SDK1: variants seen among roughly 807,000 people sequenced by gnomAD.
SDK1 encodes sidekick cell adhesion molecule 1, also known as protein sidekick-1.
In SDK1, 157 loss-of-function variants were observed where a neutral mutation model predicts 245.5. That is an observed-to-expected ratio of 0.64 (90% CI 0.56 to 0.73). The LOEUF (loss-of-function observed/expected upper bound fraction) is 0.73. SDK1 is among the 30% of genes least tolerant of loss of function. The pLI, the probability that SDK1 is intolerant of heterozygous loss-of-function variation, is 0.00. For missense variants in SDK1, 3,583 were observed against 3,002.3 expected, an observed-to-expected ratio of 1.19 and a Z score of -4.52; for synonymous variants, 1,647 against 1,278.5, an observed-to-expected ratio of 1.29 and a Z score of -6.15.
intron 1 of SDK1, among the ~76,000 whole-genome samples, chr7:3,462,411 G>C (rs1299814566): frequency 2.0e-5 from 3 of 152,088 alleles, no homozygotes; most frequent in African/African-American, 7.2e-5. Flanking sequence ...CCCAAAGCTA[G>C]ACCTAGTTCT....
intron 1 of SDK1, among the ~76,000 whole-genome samples, chr7:3,518,937 T>C (rs1199939326): frequency 6.6e-6 from 1 of 151,332 alleles, no homozygotes; most frequent in Non-Finnish European, 1.5e-5. Context: ...GTGCTATATA[T>C]ATGCAATGGA....
chr7:3,440,109 G>T (rs974814000), intron 1 of SDK1, among the ~76,000 whole-genome samples: 1 of 152,028 alleles, frequency 6.6e-6, no homozygotes, highest in Non-Finnish European at 1.5e-5. Flanking sequence ...ATGGAAATCC[G>T]GAAGTAAATA....
chr7:3,592,343 T>A (rs975160003), intron 1 of SDK1, among the ~76,000 whole-genome samples: 20 of 152,188 alleles, frequency 1.3e-4, no homozygotes, highest in African/African-American at 4.8e-4. Context: ...TGTTCCAGAA[T>A]AACAGAATCC....
intron 10 of SDK1, among the ~76,000 whole-genome samples, chr7:3,968,211 G>A (rs192450020): frequency 4.6e-5 from 7 of 152,310 alleles, no homozygotes; most frequent in Non-Finnish European, 7.3e-5. Flanking sequence ...CGTGCCTTCT[G>A]CAGTCAACCT....
At chr7:3,380,797 G>A (rs908083957) in intron 1 of SDK1, among the ~76,000 whole-genome samples, 1 of 152,158 alleles carries the variant, frequency 6.6e-6, no homozygotes, top group Admixed American at 6.5e-5. Flanking sequence ...GGAAGGGCCT[G>A]CTAGTTGGCT....
chr7:3,463,245 G>A (rs556564624), intron 1 of SDK1, among the ~76,000 whole-genome samples: 2 of 152,258 alleles, frequency 1.3e-5, no homozygotes, highest in East Asian at 3.9e-4. Context: ...TAATATCTCA[G>A]TAACCATGAT....
intron 2 of SDK1, among the ~76,000 whole-genome samples, chr7:3,622,635 G>C (rs1348917000): frequency 1.3e-5 from 2 of 152,182 alleles, no homozygotes; most frequent in African/African-American, 4.8e-5. Flanking sequence ...GTATTCTTAA[G>C]AGCCCTTGCA....
chr7:3,886,378 G>A (rs1781339397), intron 5 of SDK1, among the ~76,000 whole-genome samples: 2 of 152,246 alleles, frequency 1.3e-5, no homozygotes, highest in African/African-American at 4.8e-5. Flanking sequence ...AGAGGACACA[G>A]GCAGCAGCAG....
intron 4 of SDK1, among the ~76,000 whole-genome samples, chr7:3,809,185 C>T (rs373588516): frequency 1.1e-4 from 17 of 152,140 alleles, no homozygotes; most frequent in Admixed American, 3.9e-4. Flanking sequence ...CGCTACATGG[C>T]GAGAGCAGGA....
chr7:4,051,638 C>T lies in SDK1; in HGVS notation c.2719C>T (p.Leu907Phe). ...FINGINQGYK[L>F]LAWPADAPEA... ...TCTTTTTCACCCTGTTCCATCTCAG[C>T]TTCTGGCATGGCCGGCAGATGCCCC... The change falls in exon 19 of 45, where the codon CTT becomes TTT. Residue 907 changes from leucine to phenylalanine, a missense_variant and splice_region_variant. Physicochemically the swap from Leu to Phe is conservative, Grantham distance 22. Transcript: ENST00000404826. The T allele has an allele frequency of 6.2e-7, 1 of 1,609,926 alleles. No homozygotes were observed. Among genetic ancestry groups the T allele is most frequent in the Non-Finnish European group, 8.5e-7 (1 of 1,178,342 alleles).
chr7:4,203,903 G>A (rs1370145607), intron 35 of SDK1, among the ~76,000 whole-genome samples: 2 of 152,250 alleles, frequency 1.3e-5, no homozygotes, highest in Admixed American at 1.3e-4. Context: ...ACGGCAGTGC[G>A]GCTCAGCTGC....
At chr7:3,574,806 G>A (rs1780232980) in intron 1 of SDK1, among the ~76,000 whole-genome samples, 1 of 152,094 alleles carries the variant, frequency 6.6e-6, no homozygotes, top group Non-Finnish European at 1.5e-5. Flanking sequence ...ATGATGAAAG[G>A]TGACAGAAAC....
intron 1 of SDK1, among the ~76,000 whole-genome samples, chr7:3,522,590 A>T (rs941705375): frequency 6.6e-6 from 1 of 152,062 alleles, no homozygotes; most frequent in African/African-American, 2.4e-5. Context: ...TGATATGTTT[A>T]TTAAATCAGG....
At chr7:3,660,367 G>C (rs181884040) in intron 4 of SDK1, among the ~76,000 whole-genome samples, 1 of 151,614 alleles carries the variant, frequency 6.6e-6, no homozygotes. Context: ...TGAGTCAACA[G>C]GACTTGAATT....
chr7:3,759,495 G>T (rs1437666402), intron 4 of SDK1, among the ~76,000 whole-genome samples: 1 of 152,128 alleles, frequency 6.6e-6, no homozygotes, highest in Non-Finnish European at 1.5e-5. Flanking sequence ...TCTCCCTGCA[G>T]TTACCCATAA....
Position 3,643,625 on chromosome 7 carries a change from C to G in SDK1, c.713+1520C>G, listed in dbSNP as rs185271399. 50 of 141,272 alleles carry G rather than the reference C, an allele frequency of 3.5e-4. 1 individual carries two copies. Among genetic ancestry groups the G allele is most frequent in the Non-Finnish European group, 6.4e-4 (42 of 65,270 alleles). The allele number at this position is 141,272 out of a possible 1,614,324, so 8.8% of individuals were successfully genotyped here. On this transcript the variant is annotated intron_variant, in intron 4 of 44. Transcript: ENST00000404826. ...CCCCACCTGAGCATCTGTGGAATCC[C>G]TTCCCTAAGCCTCCTGATTCTCTTC...
intron 5 of SDK1, among the ~76,000 whole-genome samples, chr7:3,845,677 C>T (rs1431947484): frequency 6.7e-6 from 1 of 150,294 alleles, no homozygotes; most frequent in Admixed American, 6.6e-5. Flanking sequence ...AGAGAATTCT[C>T]TCCACGTGCT....
intron 1 of SDK1, among the ~76,000 whole-genome samples, chr7:3,430,477 T>G (rs1311490009): frequency 6.6e-6 from 1 of 152,160 alleles, no homozygotes; most frequent in Non-Finnish European, 1.5e-5. Context: ...TGTCTCTACT[T>G]TTACCTCTGT....
chr7:3,557,061 G>C (rs1184043114), intron 1 of SDK1, among the ~76,000 whole-genome samples: 2 of 151,304 alleles, frequency 1.3e-5, no homozygotes, highest in Non-Finnish European at 2.9e-5. Flanking sequence ...AGGAAAAGAA[G>C]AGCAAAATAA....
Sources: gnomAD v4.1 joint callset for allele counts (sites outside exome capture counted in the v4.1 genomes callset) on GRCh38, gnomAD v4.1.1 for gene constraint, MANE v1.5 for transcripts, NCBI Gene and HGNC (gene_info 2026-07-23, HGNC 2026-07-21) for gene names.